Variants in PKIG observed in about 807,000 individuals in gnomAD.
The protein encoded by PKIG is protein kinase (cAMP-dependent, catalytic) inhibitor gamma.
PKIG carries 1 observed loss-of-function variant against 6.8 expected under a neutral mutation model. The ratio of observed to expected loss-of-function variants is 0.15; its 90% CI spans 0.05 to 0.69. The LOEUF (loss-of-function observed/expected upper bound fraction) is 0.69, where lower values mean the gene tolerates loss of function less well. PKIG is among the 30% of genes least tolerant of loss of function. The probability of loss-of-function intolerance (pLI) is 0.82; values close to 1 mark genes in which losing one functional copy is unlikely to be tolerated. For missense variants in PKIG, 77 were observed against 104.0 expected (o/e 0.74, Z 1.13); for synonymous variants, 39 against 43.0 (o/e 0.91, Z 0.36).
At chr20:44,543,411 G>A (rs1328355142) in intron 1 of PKIG, among the ~76,000 whole-genome samples, 1 of 151,668 alleles carries the variant, frequency 6.6e-6, no homozygotes, top group East Asian at 1.9e-4. Context: ...ATCAGGCCTC[G>A]TACAGAAAGG....
chr20:44,583,100 A>G (rs2064961887), intron 1 of PKIG, among the ~76,000 whole-genome samples: 1 of 152,226 alleles, frequency 6.6e-6, no homozygotes, highest in Admixed American at 6.5e-5. Flanking sequence ...CAAAGGTGGT[A>G]TAATAATTTT....
At chr20:44,580,750 T>C (rs114756653), upstream of PKIG, among the ~76,000 whole-genome samples, 1,722 of 152,296 alleles carry the variant, frequency 0.011, 39 homozygotes, top group African/African-American at 0.04. Context: ...CCTGTTTTCT[T>C]GGATGTTTTC....
chr20:44,562,622 A>T (rs1346670443), intron 1 of PKIG, among the ~76,000 whole-genome samples: 3 of 147,134 alleles, frequency 2.0e-5, no homozygotes, highest in Non-Finnish European at 4.5e-5. Flanking sequence ...AAAAAAAAAG[A>T]GTGCTTAAAA....
At chr20:44,560,073 AAAAG>A (rs1373789777) in intron 1 of PKIG, among the ~76,000 whole-genome samples, 7 of 151,850 alleles carry the variant, frequency 4.6e-5, no homozygotes, top group Non-Finnish European at 7.4e-5. Context: ...TACAAAAAAA[AAAAG>A]AAAGAAGGAA....
chr20:44,546,570 T>TTTTTTTTTTTA (rs1568804725), intron 1 of PKIG, among the ~76,000 whole-genome samples: 10 of 151,646 alleles, frequency 6.6e-5, no homozygotes, highest in African/African-American at 1.7e-4. Flanking sequence ...CTTTTTTTTT[T>TTTTTTTTTTTA]GAGACAGAGT....
chr20:44,553,350 T>C (rs1333652583), intron 1 of PKIG, among the ~76,000 whole-genome samples: 1 of 152,158 alleles, frequency 6.6e-6, no homozygotes, highest in African/African-American at 2.4e-5. Flanking sequence ...GCTGAGAGGT[T>C]AGACAAGTGC....
chr20:44,567,975 G>A (rs755899523), intron 1 of PKIG, among the ~76,000 whole-genome samples: 9 of 152,000 alleles, frequency 5.9e-5, no homozygotes, highest in Non-Finnish European at 1.2e-4. Flanking sequence ...GTGAACCCCC[G>A]TCTCACAAAA....
intron 1 of PKIG, among the ~76,000 whole-genome samples, chr20:44,563,724 T>G (rs984695493): frequency 6.6e-6 from 1 of 151,982 alleles, no homozygotes; most frequent in Non-Finnish European, 1.5e-5. Flanking sequence ...AGAGATGAGG[T>G]CTTACTGTGT....
chr20:44,587,830 T>A (rs2123371575), intron 1 of PKIG, among the ~76,000 whole-genome samples: 1 of 152,266 alleles, frequency 6.6e-6, no homozygotes, highest in South Asian at 2.1e-4. Context: ...ATCTCAAAGG[T>A]GCTTGTGTTG....
In PKIG at chr20:44,618,925, G is replaced by A. The variant is rs988559449; in HGVS notation, c.*561G>A. On this transcript the variant is annotated 3_prime_UTR_variant, in exon 4 of 4. Coordinates refer to ENST00000372886, the MANE Select transcript of PKIG (RefSeq NM_001281445.2). ...TGAGGTTCCCTCATGGAGCTCCACA[G>A]ATCCATTTTTAGGGAAGGGATTTTG... 3.8e-5 allele frequency: 6 copies of A among 155,950 alleles called. No homozygotes were observed. Among genetic ancestry groups the A allele is most frequent in the Non-Finnish European group, 8.6e-5 (6 of 70,056 alleles). The allele number at this position is 155,950 out of a possible 1,614,324, so 9.7% of individuals were successfully genotyped here. A position where few individuals can be genotyped will look rare whatever the true frequency, so the allele number is the denominator to read the frequency against.
upstream of PKIG, among the ~76,000 whole-genome samples, chr20:44,580,223 C>G (rs758464025): frequency 1.3e-5 from 2 of 152,184 alleles, no homozygotes; most frequent in African/African-American, 4.8e-5. Context: ...TCATTTTACA[C>G]TGGGAAACCA....
At chr20:44,600,958 A>G (rs1289723121) in intron 2 of PKIG, among the ~76,000 whole-genome samples, 2 of 152,056 alleles carry the variant, frequency 1.3e-5, no homozygotes, top group South Asian at 2.1e-4. Flanking sequence ...GGTCACCAAC[A>G]TAGATTATTT....
chr20:44,615,072 T>C (rs2065252644), intron 3 of PKIG, among the ~76,000 whole-genome samples: 2 of 152,054 alleles, frequency 1.3e-5, no homozygotes, highest in African/African-American at 4.8e-5. Flanking sequence ...CCGCCCTTCC[T>C]GTTCAGCTCT....
chr20:44,543,115 C>A (rs757076890), intron 1 of PKIG, among the ~76,000 whole-genome samples: 1 of 152,158 alleles, frequency 6.6e-6, no homozygotes, highest in East Asian at 1.9e-4. Flanking sequence ...TTTCTACTTA[C>A]TGCACAATAT....
chr20:44,564,102 T>G (rs2064790618), intron 1 of PKIG: 1 of 152,214 alleles, frequency 6.6e-6, no homozygotes, highest in African/African-American at 2.4e-5. Flanking sequence ...TGGTTTCATA[T>G]TTTTACATTT....
At chr20:44,584,578 G>A (rs1443881689) in intron 1 of PKIG, among the ~76,000 whole-genome samples, 1 of 151,250 alleles carries the variant, frequency 6.6e-6, no homozygotes, top group Non-Finnish European at 1.5e-5. Context: ...TTTTTGCTTT[G>A]TTTTGTTTTG....
chr20:44,562,436 C>T (rs775799242), intron 1 of PKIG, among the ~76,000 whole-genome samples: 17 of 151,768 alleles, frequency 1.1e-4, no homozygotes, highest in Middle Eastern at 3.4e-3. Flanking sequence ...CATGGCCAAA[C>T]GCCATCTCTA....
Position 44,548,984 on chromosome 20 carries a change from T to C in PKIG, c.-241+17006T>C, listed in dbSNP as rs577824111. Among the ~76,000 whole-genome samples, 4 of 152,236 alleles carry C rather than the reference T, an allele frequency of 2.6e-5. No homozygotes were observed. The East Asian group carries it at 7.7e-4, about 29-fold the overall frequency. ...TGATGGTTTTAATAATTTTCTGCAG[T>C]GTTTGTTTGGACAAGAAAATCAGCT... On this transcript the variant is annotated intron_variant, in intron 1 of 4. Transcript: ENST00000372887.
At chr20:44,561,245 G>A (rs1019353292) in intron 1 of PKIG, among the ~76,000 whole-genome samples, 4 of 152,204 alleles carry the variant, frequency 2.6e-5, no homozygotes, top group African/African-American at 9.6e-5. Flanking sequence ...GCTGAGGCAG[G>A]AGAATCGCTT....
Sources: gnomAD v4.1 joint callset for allele counts (sites outside exome capture counted in the v4.1 genomes callset) on GRCh38, gnomAD v4.1.1 for gene constraint, MANE v1.5 for transcripts, NCBI Gene and HGNC (gene_info 2026-07-23, HGNC 2026-07-21) for gene names.